The following SLC14A2 variants were observed in gnomAD, a reference collection of about 807,000 sequenced individuals.
SLC14A2 encodes the protein solute carrier family 14 member 2, also known as urea transporter 2.
In SLC14A2, 91 loss-of-function variants were observed where a neutral mutation model predicts 104.6. The observed-to-expected ratio is 0.87, with a 90% CI of 0.73 to 1.04. The LOEUF is 1.04. Ranked by LOEUF, SLC14A2 falls within the 50% of genes least tolerant of loss-of-function variation. The pLI is 0.00. For synonymous variants in SLC14A2, 476 were observed against 466.4 expected (o/e 1.02, Z -0.27); for missense variants, 1,189 against 1,156.0 (o/e 1.03, Z -0.41).
At chr18:45,185,895 T>C in the SLC14A2 span, among the ~76,000 whole-genome samples, 1 of 152,114 alleles carries the variant, frequency 6.6e-6, no homozygotes, top group African/African-American at 2.4e-5. Flanking sequence ...AGCATCAAAA[T>C]ATATAAAACA....
At chr18:45,288,396 G>A (rs1313067384) in intron 1 of SLC14A2, among the ~76,000 whole-genome samples, 1 of 152,224 alleles carries the variant, frequency 6.6e-6, no homozygotes, top group South Asian at 2.1e-4. Flanking sequence ...TGCACCCTCA[G>A]TGGGGCAGGA....
At chr18:45,622,915 A>C (rs2045198105) in intron 1 of SLC14A2, among the ~76,000 whole-genome samples, 1 of 152,202 alleles carries the variant, frequency 6.6e-6, no homozygotes, top group African/African-American at 2.4e-5. Context: ...CAGTGAAAGC[A>C]ATCTACTCGG....
rs780085476 is a variant in SLC14A2 at position 45,382,371 on chromosome 18, G to T, written c.-124-100862G>T. Among the ~76,000 whole-genome samples the T allele has an allele frequency of 6.6e-5, 10 of 152,140 alleles. No homozygotes were observed. The East Asian group carries it at 1.9e-3, about 29-fold the overall frequency. The stretch of plus-strand genomic sequence containing the variant: ...GTTAGTACATGGCAGAATCTATTGA[G>T]CAGTATAATGGGGGTCAAGGACAAT... On this transcript the variant is annotated intron_variant, in intron 1 of 20. Coordinates refer to the SLC14A2 transcript ENST00000586448.
intron 2 of SLC14A2, among the ~76,000 whole-genome samples, chr18:45,577,380 T>A (rs779475714): frequency 6.6e-6 from 1 of 152,138 alleles, no homozygotes; most frequent in Non-Finnish European, 1.5e-5. Flanking sequence ...TCTGCTACTT[T>A]CTATTTGTAA....
chr18:45,299,464 G>T (rs2084947220), intron 1 of SLC14A2, among the ~76,000 whole-genome samples: 1 of 152,016 alleles, frequency 6.6e-6, no homozygotes, highest in Admixed American at 6.6e-5. Context: ...TTTTGTTTTT[G>T]TTTTTTTATT....
intron 2 of SLC14A2, among the ~76,000 whole-genome samples, chr18:45,545,284 C>A (rs2043952761): frequency 6.6e-6 from 1 of 152,094 alleles, no homozygotes. Flanking sequence ...CAGCACATCC[C>A]CATCGGGCCA....
chr18:45,500,646 G>A (rs1341416764), intron 2 of SLC14A2, among the ~76,000 whole-genome samples: 1 of 151,634 alleles, frequency 6.6e-6, no homozygotes, highest in Admixed American at 6.6e-5. Context: ...ATCTCTAGCA[G>A]GTTTCCAGTT....
intron 1 of SLC14A2, among the ~76,000 whole-genome samples, chr18:45,346,960 CAAAAATAAAAAT>C (rs573147095): frequency 1.1e-4 from 16 of 148,484 alleles, no homozygotes; most frequent in African/African-American, 2.3e-4. Flanking sequence ...CAGCGAGACT[CAAAAATAAAAAT>C]AAAAATAAAA....
intron 1 of SLC14A2, among the ~76,000 whole-genome samples, chr18:45,358,100 C>A (rs1959311200): frequency 6.6e-6 from 1 of 152,138 alleles, no homozygotes; most frequent in African/African-American, 2.4e-5. Context: ...GTGAAGTGCC[C>A]AATGAGGACT....
At chr18:45,289,091 G>A (rs1440323346) in intron 1 of SLC14A2, among the ~76,000 whole-genome samples, 1 of 152,170 alleles carries the variant, frequency 6.6e-6, no homozygotes, top group Non-Finnish European at 1.5e-5. Context: ...ACCTCAACAA[G>A]AACAGCCACC....
the SLC14A2 span, among the ~76,000 whole-genome samples, chr18:45,186,515 G>T: frequency 6.6e-6 from 1 of 152,190 alleles, no homozygotes; most frequent in Non-Finnish European, 1.5e-5. Flanking sequence ...AAACTCTAGA[G>T]ACTTCCAGTT....
intron 1 of SLC14A2, among the ~76,000 whole-genome samples, chr18:45,226,754 A>G (rs1185339094): frequency 1.3e-5 from 2 of 152,104 alleles, no homozygotes; most frequent in Non-Finnish European, 2.9e-5. Context: ...AACATGGCAC[A>G]TGTATACATA....
rs193289935 is a variant in SLC14A2, at chr18:45,621,760, T to C, written c.-34-2871T>C. On this transcript the variant is annotated intron_variant, in intron 1 of 19. Coordinates refer to ENST00000255226, the MANE Select transcript of SLC14A2 (RefSeq NM_007163.4). Reference sequence around the variant, plus strand: ...TACAAATAAATATACAAATCTGCTATAAGGAAAAATACCTGGTCCCATGAG... The same window carrying C: ...TACAAATAAATATACAAATCTGCTACAAGGAAAAATACCTGGTCCCATGAG... Among the ~76,000 whole-genome samples the C allele has an allele frequency of 7.4e-4, 112 of 152,236 alleles. 1 individual carries two copies. Among genetic ancestry groups the C allele is most frequent in the African/African-American group, 2.1e-3 (86 of 41,536 alleles).
intron 1 of SLC14A2, among the ~76,000 whole-genome samples, chr18:45,249,255 A>T (rs1471294298): frequency 3.4e-5 from 5 of 149,182 alleles, no homozygotes; most frequent in South Asian, 2.1e-4. Flanking sequence ...CTATTATAAA[A>T]TTTTTTTTGC....
At chr18:45,537,913 G>T (rs1166763882) in intron 2 of SLC14A2, among the ~76,000 whole-genome samples, 1 of 152,126 alleles carries the variant, frequency 6.6e-6, no homozygotes, top group African/African-American at 2.4e-5. Flanking sequence ...GAGAGGTCTG[G>T]GTTGGAAATA....
chr18:45,288,628 C>T (rs1221844245), intron 1 of SLC14A2, among the ~76,000 whole-genome samples: 2 of 152,192 alleles, frequency 1.3e-5, no homozygotes, highest in Non-Finnish European at 2.9e-5. Context: ...GAGGCTAAAA[C>T]CTATGGCCAT....
At chr18:45,382,008 C>A (rs1391107092) in intron 1 of SLC14A2, among the ~76,000 whole-genome samples, 2 of 152,050 alleles carry the variant, frequency 1.3e-5, no homozygotes, top group Non-Finnish European at 2.9e-5. Context: ...CGCTTAGCAC[C>A]CTCCCCCTAA....
At chr18:45,501,341 A>G (rs766343720) in intron 2 of SLC14A2, among the ~76,000 whole-genome samples, 1 of 152,236 alleles carries the variant, frequency 6.6e-6, no homozygotes, top group Non-Finnish European at 1.5e-5. Context: ...ACAAACTATG[A>G]GTAAGTCAGG....
chr18:45,291,294 G>GA (rs376289408), intron 1 of SLC14A2, among the ~76,000 whole-genome samples: 271 of 147,444 alleles, frequency 1.8e-3, no homozygotes, highest in African/African-American at 2.5e-3. Context: ...GTAAGAGTAA[G>GA]AAAAAAAAAA....
Sources: gnomAD v4.1 joint callset for allele counts (sites outside exome capture counted in the v4.1 genomes callset) on GRCh38, gnomAD v4.1.1 for gene constraint, MANE v1.5 for transcripts, NCBI Gene and HGNC (gene_info 2026-07-23, HGNC 2026-07-21) for gene names.